RBFOX1: variants seen among roughly 807,000 people sequenced by gnomAD.
RBFOX1 encodes the protein RNA binding protein fox-1 homolog 1.
A neutral mutation model predicts 57.7 loss-of-function variants in RBFOX1; 8 were observed. The observed-to-expected ratio is 0.14, with a 90% CI of 0.08 to 0.25. The LOEUF is 0.25. Ranked by LOEUF, RBFOX1 falls within the 10% of genes least tolerant of loss-of-function variation. The pLI, the probability that RBFOX1 is intolerant of heterozygous loss-of-function variation, is 1.00. For missense variants in RBFOX1, 611 were observed against 548.5 expected (o/e 1.11, Z -1.14); for synonymous variants, 326 against 222.4 (o/e 1.47, Z -4.15).
At chr16:6,572,638 G>C (rs917360069) in intron 2 of RBFOX1, among the ~76,000 whole-genome samples, 1 of 151,872 alleles carries the variant, frequency 6.6e-6, no homozygotes, top group South Asian at 2.1e-4. Flanking sequence ...TGTCACCCAG[G>C]CTGGAGTGCA....
At chr16:6,815,422 C>G (rs1389504108) in intron 3 of RBFOX1, among the ~76,000 whole-genome samples, 1 of 152,172 alleles carries the variant, frequency 6.6e-6, no homozygotes, top group Non-Finnish European at 1.5e-5. Flanking sequence ...AACCCCTTTT[C>G]AAGATGGAGT....
At chr16:6,416,634 C>T (rs1474323272) in intron 2 of RBFOX1, among the ~76,000 whole-genome samples, 4 of 152,216 alleles carry the variant, frequency 2.6e-5, no homozygotes, top group East Asian at 1.9e-4. Context: ...AACCCCAAGG[C>T]GTGTGTGCTT....
At chr16:6,501,719 C>T (rs1019685614) in intron 2 of RBFOX1, among the ~76,000 whole-genome samples, 1 of 152,102 alleles carries the variant, frequency 6.6e-6, no homozygotes, top group Non-Finnish European at 1.5e-5. Flanking sequence ...AGTCCACTGA[C>T]CTGTACTGGG....
rs397969435 is a variant in RBFOX1, at chr16:6,448,156, C to CTTTTTTTTTTTTTTTTTTTTTTTTTTTT, written c.-64+131120_-64+131121insTTTTTTTTTTTTTTTTTTTTTTTTTTTT. 3.7e-4 allele frequency among the ~76,000 whole-genome samples: 29 copies of CTTTTTTTTTTTTTTTTTTTTTTTTTTTT among 78,470 alleles called. 2 individuals are homozygous for CTTTTTTTTTTTTTTTTTTTTTTTTTTTT. Among genetic ancestry groups the CTTTTTTTTTTTTTTTTTTTTTTTTTTTT allele is most frequent in the South Asian group, 5.1e-4 (1 of 1,974 alleles). 51.5% of individuals were successfully genotyped at this position (78,470 alleles called of 152,430 possible). On this transcript the variant is annotated intron_variant, in intron 2 of 15. Coordinates refer to ENST00000550418, the MANE Select transcript of RBFOX1 (RefSeq NM_018723.4). ...TTCTTTTTTTTCTTTTCTTTTCTTT[C>CTTTTTTTTTTTTTTTTTTTTTTTTTTTT]TTTTTTTTTTTTTTTTTTTTTGAGA...
intron 1 of RBFOX1, among the ~76,000 whole-genome samples, chr16:6,076,627 C>T (rs1389771805): frequency 7.3e-6 from 1 of 136,872 alleles, no homozygotes; most frequent in Non-Finnish European, 1.7e-5. Context: ...GACTCTTAAC[C>T]TGGGAAATCT....
intron 4 of RBFOX1, among the ~76,000 whole-genome samples, chr16:7,125,908 C>G (rs569194807): frequency 2.0e-5 from 3 of 152,214 alleles, no homozygotes; most frequent in East Asian, 3.9e-4. Context: ...CATGGCAAAA[C>G]TCCATCTCTA....
intron 1 of RBFOX1, among the ~76,000 whole-genome samples, chr16:6,138,781 C>T (rs942631944): frequency 3.9e-5 from 6 of 152,142 alleles, no homozygotes; most frequent in African/African-American, 1.4e-4. Flanking sequence ...GCAGGAGAAT[C>T]GCTGGAACCC....
intron 4 of RBFOX1, among the ~76,000 whole-genome samples, chr16:7,305,000 A>G (rs1429462362): frequency 6.7e-6 from 1 of 148,490 alleles, no homozygotes; most frequent in Non-Finnish European, 1.5e-5. Flanking sequence ...TCCGCATGGG[A>G]TCGCAGCATT....
chr16:5,684,949 A>T lies in RBFOX1; in HGVS notation c.318+85988A>T, dbSNP rs13336696. ...TGAGACACAGTTTATATTATCTCCC[A>T]GGCACAGATAGATAAAGTCACTAAT... On this transcript the variant is annotated intron_variant, in intron 3 of 19. Transcript: ENST00000641259. Among the ~76,000 whole-genome samples the T allele has an allele frequency of 4.9e-3, 739 of 152,310 alleles. 8 individuals carry two copies. Among genetic ancestry groups the T allele is most frequent in the African/African-American group, 0.017 (700 of 41,572 alleles).
chr16:5,466,710 C>T (rs1384203715), intron 1 of RBFOX1, among the ~76,000 whole-genome samples: 2 of 152,186 alleles, frequency 1.3e-5, no homozygotes, highest in Non-Finnish European at 2.9e-5. Context: ...TTGCCTCTCC[C>T]ATCACTCGGT....
intron 2 of RBFOX1, among the ~76,000 whole-genome samples, chr16:5,590,620 A>C (rs2046976518): frequency 6.6e-6 from 1 of 152,114 alleles, no homozygotes; most frequent in Non-Finnish European, 1.5e-5. Context: ...CAAAGATTCA[A>C]ATTCACTCCC....
intron 1 of RBFOX1, among the ~76,000 whole-genome samples, chr16:6,068,763 G>T (rs137869932): frequency 6.6e-6 from 1 of 152,286 alleles, no homozygotes; most frequent in African/African-American, 2.4e-5. Flanking sequence ...ATATAGCTTA[G>T]AAGCTGTATA....
At chr16:6,490,077 C>G (rs2095597853) in intron 2 of RBFOX1, among the ~76,000 whole-genome samples, 1 of 152,200 alleles carries the variant, frequency 6.6e-6, no homozygotes, top group Non-Finnish European at 1.5e-5. Context: ...AGCTTGATCT[C>G]AGCTAATGCC....
chr16:5,770,859 C>G (rs1034157854), intron 3 of RBFOX1, among the ~76,000 whole-genome samples: 1 of 152,218 alleles, frequency 6.6e-6, no homozygotes, highest in Admixed American at 6.5e-5. Context: ...TTGATCACGG[C>G]ACTCTTTTTC....
intron 1 of RBFOX1, among the ~76,000 whole-genome samples, chr16:5,276,937 A>G (rs969931293): frequency 3.3e-5 from 5 of 152,236 alleles, no homozygotes; most frequent in East Asian, 1.9e-4. Context: ...CAATCCCACT[A>G]CTAAGTATCT....
At chr16:6,875,521 G>C (rs574462600) in intron 3 of RBFOX1, among the ~76,000 whole-genome samples, 1 of 152,270 alleles carries the variant, frequency 6.6e-6, no homozygotes, top group Admixed American at 6.5e-5. Flanking sequence ...CAGTGCTCTG[G>C]CAAAGACTAT....
At chr16:6,375,414 A>AT (rs71145222) in intron 2 of RBFOX1, among the ~76,000 whole-genome samples, 74,913 of 148,956 alleles carry the variant, frequency 0.5, 19,167 homozygotes, top group Middle Eastern at 0.6. Context: ...GCTCTAGAGT[A>AT]TTTTTTTTTT....
At chr16:5,535,689 C>A (rs541869675) in intron 2 of RBFOX1, among the ~76,000 whole-genome samples, 19 of 152,128 alleles carry the variant, frequency 1.2e-4, no homozygotes, top group Non-Finnish European at 1.9e-4. Context: ...TTGGGAACAC[C>A]AAGAGCCTCC....
chr16:6,034,353 A>G (rs1037455010), intron 1 of RBFOX1, among the ~76,000 whole-genome samples: 5 of 145,824 alleles, frequency 3.4e-5, no homozygotes, highest in Admixed American at 1.4e-4. Context: ...AAAAAAAAAA[A>G]AAAAGAAAAG....
Sources: gnomAD v4.1 joint callset for allele counts (sites outside exome capture counted in the v4.1 genomes callset) on GRCh38, gnomAD v4.1.1 for gene constraint, MANE v1.5 for transcripts, NCBI Gene and HGNC (gene_info 2026-07-23, HGNC 2026-07-21) for gene names.